ATXN7: variants seen among roughly 807,000 people sequenced by gnomAD.
ATXN7 encodes the protein ataxin 7, also known as ataxin-7.
A neutral mutation model predicts 70.5 loss-of-function variants in ATXN7; 12 were observed. That is an observed-to-expected ratio of 0.17 (90% CI 0.11 to 0.28). ATXN7 has a LOEUF of 0.28. Ranked by LOEUF, ATXN7 falls within the 10% of genes least tolerant of loss-of-function variation. The pLI, the probability that ATXN7 is intolerant of heterozygous loss-of-function variation, is 1.00. For missense variants in ATXN7, 1,256 were observed against 1,131.7 expected, an observed-to-expected ratio of 1.11 and a Z score of -1.58; for synonymous variants, 498 against 448.7, an observed-to-expected ratio of 1.11 and a Z score of -1.39.
At chr3:63,871,863 T>TA (rs1322628178) in intron 1 of ATXN7, among the ~76,000 whole-genome samples, 1 of 143,730 alleles carries the variant, frequency 7.0e-6, no homozygotes, top group South Asian at 2.3e-4. Context: ...GTTTTTAAAT[T>TA]TAAAAAAAAA....
chr3:63,926,266 GCAA>G (rs1180584455), intron 4 of ATXN7, among the ~76,000 whole-genome samples: 5 of 152,182 alleles, frequency 3.3e-5, no homozygotes, highest in East Asian at 3.8e-4. Flanking sequence ...GAGGAGACAG[GCAA>G]CAACAACGAG....
intron 5 of ATXN7, among the ~76,000 whole-genome samples, chr3:63,969,738 C>G (rs2106718888): frequency 6.6e-6 from 1 of 152,232 alleles, no homozygotes; most frequent in South Asian, 2.1e-4. Context: ...GATGCTTGAA[C>G]TACAGATAGT....
chr3:63,920,138 A>G (rs1704450615), intron 4 of ATXN7, among the ~76,000 whole-genome samples: 1 of 152,112 alleles, frequency 6.6e-6, no homozygotes, highest in Non-Finnish European at 1.5e-5. Flanking sequence ...ACTGGAAAGT[A>G]ACACCTGGCA....
chr3:63,875,383 T>G (rs1702721550), intron 1 of ATXN7, among the ~76,000 whole-genome samples: 1 of 152,180 alleles, frequency 6.6e-6, no homozygotes, highest in Non-Finnish European at 1.5e-5. Flanking sequence ...TGAGCCACTG[T>G]GCCCAGCCTA....
intron 4 of ATXN7, among the ~76,000 whole-genome samples, chr3:63,928,291 AC>A (rs1704795540): frequency 6.6e-6 from 1 of 152,120 alleles, no homozygotes; most frequent in African/African-American, 2.4e-5. Context: ...ACAGAGCGAG[AC>A]CCTTTCTCAA....
rs146553867 is a variant in ATXN7, at chr3:63,954,343, A to G, written c.499+1860A>G. Among the ~76,000 whole-genome samples the G allele has an allele frequency of 2.0e-5, 3 of 152,360 alleles. No homozygotes were observed. In the East Asian group the frequency reaches 5.8e-4, roughly 29 times the overall value. ...CAACAAGGTTGACGTGAGCAAGCAC[A>G]GGAGCAGGAAATTCCAGGCTCTCTG... On this transcript the variant is annotated intron_variant, in intron 5 of 12. Transcript: ENST00000674280.
intron 1 of ATXN7, among the ~76,000 whole-genome samples, chr3:63,887,775 CAG>C (rs1703132284): frequency 6.6e-6 from 1 of 151,856 alleles, no homozygotes. Context: ...TTTGTAGAGA[CAG>C]AGTTTCACCA....
chr3:63,876,103 G>T (rs1457098373), intron 1 of ATXN7, among the ~76,000 whole-genome samples: 2 of 152,046 alleles, frequency 1.3e-5, no homozygotes, highest in Admixed American at 1.3e-4. Flanking sequence ...TTTTTAGTTT[G>T]TTTGTTTTTT....
intron 11 of ATXN7, among the ~76,000 whole-genome samples, chr3:63,993,743 C>T (rs1322026588): frequency 7.2e-5 from 11 of 152,138 alleles, no homozygotes; most frequent in Admixed American, 7.2e-4. Context: ...TTTTCCTTTC[C>T]TCGAGATTTG....
intron 2 of ATXN7, among the ~76,000 whole-genome samples, chr3:63,903,361 T>C (rs113269108): frequency 0.054 from 6,724 of 124,830 alleles, 342 homozygotes; most frequent in East Asian, 0.15. Flanking sequence ...CACTCCAGCC[T>C]GGGCAACAGA....
intron 1 of ATXN7, among the ~76,000 whole-genome samples, chr3:63,865,673 C>T (rs1702394874): frequency 6.6e-6 from 1 of 151,742 alleles, no homozygotes; most frequent in Non-Finnish European, 1.5e-5. Context: ...GGGAGGATCA[C>T]GAGGTCAAGA....
intron 4 of ATXN7, among the ~76,000 whole-genome samples, chr3:63,951,739 T>C (rs115907180): frequency 0.023 from 3,478 of 152,318 alleles, 68 homozygotes; most frequent in South Asian, 0.079. Context: ...TGTCTTACTG[T>C]TAAAACAAAC....
At chr3:63,899,771 G>A (rs1427529250) in intron 2 of ATXN7, among the ~76,000 whole-genome samples, 1 of 151,996 alleles carries the variant, frequency 6.6e-6, no homozygotes, top group Non-Finnish European at 1.5e-5. Flanking sequence ...CTGCCGCCAC[G>A]CCCGGCTAAT....
intron 12 of ATXN7, chr3:63,997,971 T>G: frequency 1.0e-6 from 1 of 985,390 alleles, no homozygotes; most frequent in Non-Finnish European, 1.2e-6. Flanking sequence ...CTTTTCCTTC[T>G]TGGTTTGTAG....
At position 63,892,413 on chromosome 3, in the gene ATXN7, C is replaced by CT. The variant is rs1703299941; in HGVS notation, c.-110-5986_-110-5985insT. On this transcript the variant is annotated intron_variant, in intron 1 of 12. Transcript: ENST00000674280. ...ACACACACACACACACACACACACC[C>CT]GCCAACTCCTGTCAACAGGAGTACT... Among the ~76,000 whole-genome samples the CT allele has an allele frequency of 2.0e-5, 3 of 147,774 alleles. No homozygotes were observed. In the South Asian group the frequency reaches 6.5e-4, roughly 32 times the overall value.
chr3:63,960,428 G>A (rs984692488), intron 5 of ATXN7, among the ~76,000 whole-genome samples: 5 of 152,318 alleles, frequency 3.3e-5, no homozygotes, highest in African/African-American at 9.6e-5. Context: ...TGATCACGTG[G>A]TTGCTGTATG....
intron 4 of ATXN7, among the ~76,000 whole-genome samples, chr3:63,942,160 A>G (rs2074779892): frequency 6.6e-6 from 1 of 152,204 alleles, no homozygotes; most frequent in East Asian, 1.9e-4. Context: ...GAGACAGAAG[A>G]GCAGGGATTT....
intron 12 of ATXN7, chr3:63,997,860 T>C (rs2075784874): frequency 1.0e-6 from 1 of 985,276 alleles, no homozygotes; most frequent in Non-Finnish European, 1.2e-6. Flanking sequence ...GCCAAAGGTA[T>C]GGGGAAAATA....
intron 6 of ATXN7, chr3:63,980,569 C>G (rs1307356096): frequency 1.0e-5 from 2 of 195,870 alleles, no homozygotes; most frequent in African/African-American, 4.6e-5. Flanking sequence ...GATTTGTGTC[C>G]CATTTCTGTC....
Sources: gnomAD v4.1 joint callset for allele counts (sites outside exome capture counted in the v4.1 genomes callset) on GRCh38, gnomAD v4.1.1 for gene constraint, MANE v1.5 for transcripts, NCBI Gene and HGNC (gene_info 2026-07-23, HGNC 2026-07-21) for gene names.